Variants in STRIP2 observed in about 807,000 individuals in gnomAD.
STRIP2 encodes the protein striatin-interacting protein 2.
Under a neutral mutation model 107.1 loss-of-function variants are expected in STRIP2, and 84 were observed. That is an observed-to-expected ratio of 0.78 (90% confidence interval 0.66 to 0.94). STRIP2 has a LOEUF of 0.94. Among genes scored for constraint, STRIP2 ranks in the 40% least tolerant of loss-of-function variants. STRIP2 has a pLI of 0.00. For missense variants in STRIP2, 888 were observed against 1,034.2 expected (o/e 0.86, Z 1.94); for synonymous variants, 394 against 400.4 (o/e 0.98, Z 0.19).
chr7:129,486,002 C>T lies in STRIP2; in HGVS notation c.*173C>T. ...ATCACAATAAAATGATCAACTTGCCCTGGGGTCAGTTGGGTGCCCAGTTGG... is the reference window on the plus strand; with the variant it reads ...ATCACAATAAAATGATCAACTTGCCTTGGGGTCAGTTGGGTGCCCAGTTGG... On this transcript the variant is annotated 3_prime_UTR_variant, in exon 21 of 21. Transcript: ENST00000249344. The T allele has an allele frequency of 5.7e-6, 4 of 702,046 alleles. No individual in the cohort carries two copies. Among genetic ancestry groups the T allele is most frequent in the Non-Finnish European group, 6.9e-6 (3 of 433,202 alleles). 43.5% of individuals were successfully genotyped at this position (702,046 alleles called of 1,614,324 possible).
intron 3 of STRIP2, among the ~76,000 whole-genome samples, chr7:129,448,493 G>A (rs986891147): frequency 5.3e-5 from 8 of 152,164 alleles, no homozygotes; most frequent in Admixed American, 1.3e-4. Context: ...ACTGGCTCAA[G>A]TCTGGAAATT....
chr7:129,443,038 TTTC>T (rs1326493968), intron 2 of STRIP2, among the ~76,000 whole-genome samples: 1 of 141,980 alleles, frequency 7.0e-6, no homozygotes, highest in Non-Finnish European at 1.6e-5. Context: ...TTCTTCTTTC[TTTC>T]TTTTTTTTTT....
At chr7:129,472,324 A>G (rs1413419002) in intron 18 of STRIP2, among the ~76,000 whole-genome samples, 1 of 152,228 alleles carries the variant, frequency 6.6e-6, no homozygotes, top group Non-Finnish European at 1.5e-5. Context: ...AGGAATTGAT[A>G]GGAACCACAC....
Position 129,454,127 on chromosome 7 carries a change from C to T in STRIP2, c.531-15C>T, listed in dbSNP as rs185109220. ...AGTCTTATGCATTCCTGTTCTTTTT[C>T]TCCTCCCCTGGCAGCAACAGCCAGG... is the stretch of plus-strand genomic sequence containing the variant. On this transcript the variant is annotated splice_polypyrimidine_tract_variant and intron_variant, in intron 5 of 20. Coordinates refer to ENST00000249344, the MANE Select transcript of STRIP2 (RefSeq NM_020704.3). 3.7e-6 allele frequency: 6 copies of T among 1,613,074 alleles called. No individual in the cohort carries two copies. In the African/African-American group the frequency reaches 6.7e-5, roughly 18 times the overall value.
intron 19 of STRIP2, 112 bp downstream of exon 19, chr7:129,481,001 A>G: frequency 1.4e-6 from 1 of 714,216 alleles, no homozygotes; most frequent in Non-Finnish European, 2.4e-6. Context: ...TAGACACTGA[A>G]TGCTACATAA....
intron 18 of STRIP2, among the ~76,000 whole-genome samples, chr7:129,476,975 C>A (rs762441591): frequency 6.6e-6 from 1 of 151,422 alleles, no homozygotes; most frequent in Non-Finnish European, 1.5e-5. Flanking sequence ...GAGCTGGAGA[C>A]CAGCCCGGCC....
intron 2 of STRIP2, among the ~76,000 whole-genome samples, 155 bp downstream of exon 2, chr7:129,440,246 T>C (rs1321923748): frequency 6.6e-6 from 1 of 152,168 alleles, no homozygotes; most frequent in African/African-American, 2.4e-5. Context: ...AAGTGGTAAA[T>C]ATCTCTTTGT....
Position 129,472,776 on chromosome 7 carries a change from C to CTT in STRIP2, c.1944+2088_1944+2089dup, listed in dbSNP as rs1798822125. On this transcript the variant is annotated intron_variant, in intron 18 of 20. Coordinates refer to ENST00000249344, the MANE Select transcript of STRIP2 (RefSeq NM_020704.3). ...ATATATAGAATTTTCTTTTCTTTTC[C>CTT]TTTTTTTTTTTTTTTTTTTTTTTTT... 1.7e-4 allele frequency among the ~76,000 whole-genome samples: 13 copies of CTT among 78,264 alleles called. 1 individual carries two copies. The highest frequency in any genetic ancestry group is 4.4e-4 in the African/African-American group (9 of 20,632). The allele number at this position is 78,264 out of a possible 152,430, so 51.3% of individuals were successfully genotyped here. A position where few individuals can be genotyped will look rare whatever the true frequency, so the allele number is the denominator to read the frequency against.
Position 129,485,814 on chromosome 7 carries a change from G to C in STRIP2, c.2490G>C (p.Leu830=). ...CACAGCCCATCTGTTGGGAGGAGCT[G>C]CTCCAGAATCACTGACTAAGTTCTT... is the stretch of plus-strand genomic sequence containing the variant. ...VFSQPICWEE[L]LQNH The change falls in exon 21 of 21, where the codon CTG becomes CTC. Residue 830 remains leucine, a synonymous_variant. Transcript: ENST00000249344. 1 of 1,613,976 alleles carries C rather than the reference G, an allele frequency of 6.2e-7. No homozygotes were observed.
chr7:129,456,940 A>G (rs1562903896), intron 9 of STRIP2, among the ~76,000 whole-genome samples: 1 of 152,108 alleles, frequency 6.6e-6, no homozygotes, highest in Non-Finnish European at 1.5e-5. Context: ...CTGAATAACA[A>G]TTAAGGGTAT....
At chr7:129,447,490 C>T (rs745847839) in intron 3 of STRIP2, among the ~76,000 whole-genome samples, 1 of 152,248 alleles carries the variant, frequency 6.6e-6, no homozygotes, top group Non-Finnish European at 1.5e-5. Context: ...GCATTTGCTA[C>T]TTCTTGCTCA....
Position 129,458,467 on chromosome 7 carries a change from C to T in STRIP2, c.1274+17C>T. 1 of 1,525,824 alleles carries T rather than the reference C, an allele frequency of 6.6e-7. No individual in the cohort carries two copies. The allele number at this position is 1,525,824 out of a possible 1,614,324, so 94.5% of individuals were successfully genotyped here. A position where few individuals can be genotyped will look rare whatever the true frequency, so the allele number is the denominator to read the frequency against. ...AAAGGTCAGGTAGGTTTGATAGCAT[C>T]AGGGACCCCTATGCTTCGGGGTTTC... On this transcript the variant is annotated intron_variant, in intron 10 of 20. Coordinates refer to ENST00000249344, the MANE Select transcript of STRIP2 (RefSeq NM_020704.3). This position sits in a 1 kb window ranked among gnomAD's most constrained non-coding sequence, Gnocchi z 4.6.
At chr7:129,481,085 G>C (rs915315111) in intron 19 of STRIP2, among the ~76,000 whole-genome samples, 196 bp downstream of exon 19, 3 of 152,084 alleles carry the variant, frequency 2.0e-5, no homozygotes, top group African/African-American at 7.2e-5. Flanking sequence ...CTTTTCAGGG[G>C]GCTGAATCTC....
chr7:129,434,738 T>C (rs1205588497), intron 1 of STRIP2, 137 bp downstream of exon 1: 1 of 1,105,914 alleles, frequency 9.0e-7, no homozygotes, highest in Non-Finnish European at 1.2e-6. Context: ...TGCGGGGTCC[T>C]AGCGGCTGAA....
At chr7:129,455,103 C>A (rs1248817513) in intron 7 of STRIP2, 141 bp from the exon 8 acceptor site, 4 of 1,053,278 alleles carry the variant, frequency 3.8e-6, no homozygotes, top group Non-Finnish European at 5.3e-6. Context: ...GGGGGCTAAG[C>A]CTCCTTCTCA....
chr7:129,441,778 C>G (rs1797905055), intron 2 of STRIP2, among the ~76,000 whole-genome samples: 1 of 152,046 alleles, frequency 6.6e-6, no homozygotes, highest in Admixed American at 6.6e-5. Context: ...CCATGTCCAG[C>G]TAATTTTGTT....
Position 129,486,065 on chromosome 7 carries a change from T to G in STRIP2, c.*236T>G, listed in dbSNP as rs1300306385. The G allele has an allele frequency of 2.1e-6, 1 of 481,862 alleles. No homozygotes were observed. The highest frequency in any genetic ancestry group is 3.7e-6 in the Non-Finnish European group (1 of 267,330). 29.8% of individuals were successfully genotyped at this position (481,862 alleles called of 1,614,324 possible). A position where few individuals can be genotyped will look rare whatever the true frequency, so the allele number is the denominator to read the frequency against. ...TTTGGTGGATCAATTCTAGACAAGC[T>G]CTTTGGTAGGACCTTTTCCTGCTTT... On this transcript the variant is annotated 3_prime_UTR_variant, in exon 21 of 21. Transcript: ENST00000249344.
intron 18 of STRIP2, chr7:129,478,036 G>C: frequency 2.4e-6 from 1 of 410,168 alleles, no homozygotes; most frequent in Admixed American, 2.9e-5. Flanking sequence ...GCGGGCAACA[G>C]AAGAATATTG....
chr7:129,465,079 C>T (rs1417641454), intron 16 of STRIP2, among the ~76,000 whole-genome samples: 4 of 151,992 alleles, frequency 2.6e-5, no homozygotes, highest in Admixed American at 1.3e-4. Flanking sequence ...GTATGTTGAC[C>T]GTAGTTTTCT....
Sources: gnomAD v4.1 joint callset for allele counts (sites outside exome capture counted in the v4.1 genomes callset) on GRCh38, gnomAD v4.1.1 for gene constraint, Gnocchi (gnomAD v3.1) non-coding constraint, MANE v1.5 for transcripts, NCBI Gene and HGNC (gene_info 2026-07-23, HGNC 2026-07-21) for gene names.